THSD7B: variants seen among roughly 807,000 people sequenced by gnomAD.
THSD7B encodes the protein thrombospondin type-1 domain-containing protein 7B.
A neutral mutation model predicts 213.6 loss-of-function variants in THSD7B; 138 were observed. The ratio of observed to expected loss-of-function variants is 0.65; its 90% CI spans 0.56 to 0.74. THSD7B has a LOEUF of 0.74. THSD7B is among the 30% of genes least tolerant of loss of function. The pLI is 0.00. For synonymous variants in THSD7B, 742 were observed against 687.0 expected (o/e 1.08, Z -1.25); for missense variants, 1,931 against 1,991.5 (o/e 0.97, Z 0.58).
intron 20 of THSD7B, among the ~76,000 whole-genome samples, chr2:137,626,481 G>A (rs142091111): frequency 2.5e-3 from 356 of 141,044 alleles, no homozygotes; most frequent in Middle Eastern, 7.6e-3. Context: ...AAAAAAAAAA[G>A]AAAAAGAAAA....
chr2:136,913,210 T>G (rs1419350904), intron 2 of THSD7B, among the ~76,000 whole-genome samples: 1 of 152,180 alleles, frequency 6.6e-6, no homozygotes, highest in Non-Finnish European at 1.5e-5. Context: ...GCCCTAGAGA[T>G]TTGTGAACTT....
At chr2:137,253,394 C>A (rs1682231842) in intron 10 of THSD7B, among the ~76,000 whole-genome samples, 1 of 152,134 alleles carries the variant, frequency 6.6e-6, no homozygotes, top group African/African-American at 2.4e-5. Context: ...GACTTTAAAG[C>A]ACTATTAATT....
chr2:137,131,064 C>T (rs1173285514), intron 5 of THSD7B, among the ~76,000 whole-genome samples: 9 of 139,234 alleles, frequency 6.5e-5, no homozygotes, highest in East Asian at 4.2e-4. Context: ...TTTTAATGAT[C>T]GCCATTCTAA....
chr2:137,402,605 T>C (rs1247328651), intron 12 of THSD7B, among the ~76,000 whole-genome samples: 3 of 151,932 alleles, frequency 2.0e-5, no homozygotes, highest in Non-Finnish European at 4.4e-5. Context: ...TCACTTGAGG[T>C]CAAGTGTTTG....
rs147373324 is a variant in THSD7B, at chr2:137,516,643, C to A, written c.3139-46578C>A. 1.5e-3 allele frequency among the ~76,000 whole-genome samples: 230 copies of A among 152,282 alleles called. 5 individuals are homozygous for A. In the Middle Eastern group the frequency reaches 0.027, roughly 18 times the overall value. On this transcript the variant is annotated intron_variant, in intron 15 of 27. Transcript: ENST00000409968. The stretch of plus-strand genomic sequence containing the variant: ...GGAGTTTTAGCTCAGGTCTGACTTA[C>A]AGTGGCTCCAGTGGGTCCACGGACT...
chr2:137,269,420 G>C lies in THSD7B; in HGVS notation c.2267-3113G>C, dbSNP rs140737818. Among the ~76,000 whole-genome samples, 340 of 152,358 alleles carry C rather than the reference G, an allele frequency of 2.2e-3. 1 individual carries two copies. Among genetic ancestry groups the C allele is most frequent in the African/African-American group, 7.9e-3 (330 of 41,584 alleles). On this transcript the variant is annotated intron_variant, in intron 10 of 27. Coordinates refer to ENST00000409968, the MANE Select transcript of THSD7B (RefSeq NM_001316349.2). ...GCACGTGTGTGCATGTGCATGTTCA[G>C]TGTAAAAGGGAGACATACTGATCCA...
intron 15 of THSD7B, among the ~76,000 whole-genome samples, chr2:137,491,768 A>G (rs1365091936): frequency 6.6e-6 from 1 of 152,212 alleles, no homozygotes; most frequent in Non-Finnish European, 1.5e-5. Flanking sequence ...ATTAGTGTCA[A>G]TTGAAAGAAA....
At position 137,373,147 on chromosome 2, in the gene THSD7B, G is replaced by A. The variant is rs865938978; in HGVS notation, c.2501-32466G>A. On this transcript the variant is annotated intron_variant, in intron 12 of 27. Transcript: ENST00000409968. Reference sequence around the variant, plus strand: ...AGTCTCTGCTATTGTGAATAGTGCCGCAATAAACATACGTGTGCATGTGTC... The same window carrying A: ...AGTCTCTGCTATTGTGAATAGTGCCACAATAAACATACGTGTGCATGTGTC... Among the ~76,000 whole-genome samples, 1,365 of 151,994 alleles carry A rather than the reference G, an allele frequency of 9.0e-3. 16 individuals carry two copies. Among genetic ancestry groups the A allele is most frequent in the African/African-American group, 0.031 (1,290 of 41,444 alleles).
intron 17 of THSD7B, among the ~76,000 whole-genome samples, chr2:137,611,716 T>C (rs1370254855): frequency 6.6e-6 from 1 of 152,142 alleles, no homozygotes; most frequent in Non-Finnish European, 1.5e-5. Flanking sequence ...CACCTTATCT[T>C]CCAACACATA....
Position 137,605,992 on chromosome 2 carries a change from C to T in THSD7B, c.3424-10183C>T, listed in dbSNP as rs533528770. ...TAATTTTTTGTATTTTTAGTAGAGA[C>T]GGGGTTTCATCATGTTAGCCAGGAT... On this transcript the variant is annotated intron_variant, in intron 17 of 27. Transcript: ENST00000409968. 3.8e-4 allele frequency among the ~76,000 whole-genome samples: 57 copies of T among 151,436 alleles called. No individual in the cohort carries two copies. The South Asian group carries it at 4.8e-3, about 13-fold the overall frequency.
At chr2:137,540,654 A>G (rs1448462655) in intron 15 of THSD7B, among the ~76,000 whole-genome samples, 1 of 151,710 alleles carries the variant, frequency 6.6e-6, no homozygotes, top group Non-Finnish European at 1.5e-5. Flanking sequence ...ACCTGACTCC[A>G]AGCTGGTCTG....
intron 1 of THSD7B, among the ~76,000 whole-genome samples, chr2:136,870,619 C>T (rs972787756): frequency 1.3e-5 from 2 of 152,118 alleles, no homozygotes; most frequent in African/African-American, 4.8e-5. Flanking sequence ...TCTGGGAAGG[C>T]CTTTGCTGCA....
chr2:136,789,889 C>T (rs1232798221), intron 1 of THSD7B, among the ~76,000 whole-genome samples: 4 of 152,108 alleles, frequency 2.6e-5, no homozygotes, highest in Admixed American at 2.6e-4. Flanking sequence ...TTACTTTATA[C>T]CAAGCTCATT....
chr2:137,340,182 C>A (rs541037393), intron 12 of THSD7B, among the ~76,000 whole-genome samples: 8 of 151,852 alleles, frequency 5.3e-5, no homozygotes, highest in African/African-American at 1.7e-4. Context: ...CAAATAGACA[C>A]AAATCTAAAA....
intron 3 of THSD7B, among the ~76,000 whole-genome samples, chr2:137,092,201 C>T (rs1448932223): frequency 2.0e-5 from 3 of 152,038 alleles, no homozygotes; most frequent in South Asian, 4.1e-4. Context: ...TTGCTTGAAC[C>T]CAGGAGCTCA....
At chr2:137,079,446 G>A (rs1687697611) in intron 3 of THSD7B, among the ~76,000 whole-genome samples, 1 of 152,092 alleles carries the variant, frequency 6.6e-6, no homozygotes, top group Non-Finnish European at 1.5e-5. Flanking sequence ...ATAGTGAAAT[G>A]TTAACTTTAC....
At chr2:136,885,489 G>T (rs927163510) in intron 2 of THSD7B, among the ~76,000 whole-genome samples, 1 of 152,088 alleles carries the variant, frequency 6.6e-6, no homozygotes. Context: ...ATCTATATTG[G>T]TGTCAGACAC....
At chr2:137,114,755 A>G (rs1688414614) in intron 4 of THSD7B, among the ~76,000 whole-genome samples, 1 of 152,240 alleles carries the variant, frequency 6.6e-6, no homozygotes, top group African/African-American at 2.4e-5. Flanking sequence ...GTCATCTGAA[A>G]GTCTGTGGAG....
At chr2:137,261,322 C>T (rs538180772) in intron 10 of THSD7B, among the ~76,000 whole-genome samples, 14 of 152,178 alleles carry the variant, frequency 9.2e-5, no homozygotes, top group Admixed American at 2.0e-4. Flanking sequence ...GTCATCTAGA[C>T]GAAGAAAGAA....
Sources: allele counts gnomAD v4.1 joint callset (sites outside exome capture counted in the v4.1 genomes callset), GRCh38; gene constraint gnomAD v4.1.1; transcripts MANE v1.5; gene names NCBI Gene and HGNC (gene_info 2026-07-23, HGNC 2026-07-21).